ITGA6: variants seen among roughly 807,000 people sequenced by gnomAD.
ITGA6 encodes the protein integrin alpha-6.
Under a neutral mutation model 133.6 loss-of-function variants are expected in ITGA6, and 63 were observed. That is an observed-to-expected ratio of 0.47 (90% CI 0.38 to 0.58). The LOEUF (loss-of-function observed/expected upper bound fraction) is 0.58. ITGA6 is among the 20% of genes least tolerant of loss of function. ITGA6 has a pLI of 0.00. For missense variants in ITGA6, 1,068 were observed against 1,309.4 expected (o/e 0.82, Z 2.85); for synonymous variants, 434 against 482.0 (o/e 0.90, Z 1.30).
At chr2:172,502,201 T>C (rs1011561415) in intron 25 of ITGA6, among the ~76,000 whole-genome samples, 8 of 152,200 alleles carry the variant, frequency 5.3e-5, no homozygotes, top group Admixed American at 6.5e-5. Flanking sequence ...TAGCCCTCCA[T>C]AGTAGCCCAG....
At chr2:172,471,362 C>G (rs1340962549) in intron 5 of ITGA6, among the ~76,000 whole-genome samples, 1 of 152,202 alleles carries the variant, frequency 6.6e-6, no homozygotes, top group East Asian at 1.9e-4. Flanking sequence ...CGTCCTCCCT[C>G]CTGCTCAGAA....
intron 15 of ITGA6, 45 bp from the exon 16 acceptor site, chr2:172,487,502 G>A: frequency 1.9e-6 from 3 of 1,610,926 alleles, no homozygotes; most frequent in Non-Finnish European, 2.5e-6. Flanking sequence ...TCAACACTGT[G>A]TGGCAAATGA....
At chr2:172,429,930 G>GC (rs1684039456) in intron 1 of ITGA6, among the ~76,000 whole-genome samples, 1 of 152,198 alleles carries the variant, frequency 6.6e-6, no homozygotes. Flanking sequence ...ACAGGCCATA[G>GC]CACAGGTCAG....
At chr2:172,452,728 C>T (rs1284097760) in intron 1 of ITGA6, among the ~76,000 whole-genome samples, 2 of 152,220 alleles carry the variant, frequency 1.3e-5, no homozygotes, top group African/African-American at 4.8e-5. Flanking sequence ...TAAGTGTTCT[C>T]TCAAAACCCA....
intron 1 of ITGA6, among the ~76,000 whole-genome samples, chr2:172,457,862 T>C (rs1380551187): frequency 6.6e-6 from 1 of 152,182 alleles, no homozygotes; most frequent in Admixed American, 6.5e-5. Flanking sequence ...TCCTGGCTCC[T>C]CAAGGCTCCC....
intron 23 of ITGA6, among the ~76,000 whole-genome samples, chr2:172,493,823 C>G (rs1469777905): frequency 6.6e-6 from 1 of 152,210 alleles, no homozygotes; most frequent in Non-Finnish European, 1.5e-5. Flanking sequence ...CTGTCTTCTT[C>G]TGGAAGATGA....
intron 9 of ITGA6, 24 bp from the exon 10 acceptor site, chr2:172,479,617 G>GT (rs1428130222): frequency 1.3e-6 from 2 of 1,595,286 alleles, no homozygotes; most frequent in Admixed American, 3.3e-5. Context: ...GGCTGAGCTT[G>GT]TTTTTCACTC....
chr2:172,497,059 G>A (rs1294313735), intron 23 of ITGA6, among the ~76,000 whole-genome samples: 1 of 152,186 alleles, frequency 6.6e-6, no homozygotes, highest in Non-Finnish European at 1.5e-5. Flanking sequence ...GGTCTTTAGT[G>A]TGATATCCTA....
intron 5 of ITGA6, among the ~76,000 whole-genome samples, chr2:172,471,880 A>G (rs1685953453): frequency 6.7e-6 from 1 of 149,648 alleles, no homozygotes; most frequent in Non-Finnish European, 1.5e-5. Flanking sequence ...GTCTAAACCC[A>G]AATAGTAACC....
Position 172,482,355 on chromosome 2 carries a change from A to G in ITGA6, c.1549+2304A>G, listed in dbSNP as rs1466165538. 2.0e-5 allele frequency among the ~76,000 whole-genome samples: 3 copies of G among 152,208 alleles called. 1 individual carries two copies. In the East Asian group the frequency reaches 5.8e-4, roughly 29 times the overall value. On this transcript the variant is annotated intron_variant, in intron 11 of 25. Coordinates refer to ENST00000684293, the MANE Select transcript of ITGA6 (RefSeq NM_000210.4). ...AGCTACATAAGTTAATACATCTAAA[A>G]TCTTCTCCCAGTAGCCAAGAATGTG...
chr2:172,446,372 T>A (rs1349694842), intron 1 of ITGA6, among the ~76,000 whole-genome samples: 3 of 152,226 alleles, frequency 2.0e-5, no homozygotes, highest in Non-Finnish European at 4.4e-5. Flanking sequence ...TGAATCTTAT[T>A]TTTTGAGTTA....
In ITGA6 at chr2:172,484,796, C is replaced by T. The variant is rs752671885; in HGVS notation, c.1564C>T (p.Leu522Phe). The T allele has an allele frequency of 1.2e-6, 2 of 1,614,008 alleles. No homozygotes were observed. Among genetic ancestry groups the T allele is most frequent in the Non-Finnish European group, 8.5e-7 (1 of 1,179,908 alleles). Reference protein sequence around the residue: ...YNPSISIVGTLEAEKERRKSG... With the variant: ...YNPSISIVGTFEAEKERRKSG... ...ATTTTATCTAGCAATTGTGGGCACACTTGAAGCTGAAAAAGAAAGAAGAAA... is the reference window on the plus strand; with the variant it reads ...ATTTTATCTAGCAATTGTGGGCACATTTGAAGCTGAAAAAGAAAGAAGAAA... Residue 522 changes from leucine to phenylalanine, a missense_variant, in exon 12 of 26, where the codon CTT (leucine) becomes TTT (phenylalanine). Coordinates refer to ENST00000684293, the MANE Select transcript of ITGA6 (RefSeq NM_000210.4).
chr2:172,490,506 C>T (rs779375386), intron 20 of ITGA6, among the ~76,000 whole-genome samples: 97 of 152,310 alleles, frequency 6.4e-4, no homozygotes, highest in Non-Finnish European at 8.5e-4. Context: ...TCAAGATAAT[C>T]GGTTATTACT....
intron 25 of ITGA6, among the ~76,000 whole-genome samples, chr2:172,502,143 C>T (rs538715472): frequency 1.1e-4 from 16 of 152,216 alleles, no homozygotes; most frequent in African/African-American, 3.9e-4. Flanking sequence ...ATATCTACCA[C>T]AGCAATGAAG....
At position 172,487,167 on chromosome 2, in the gene ITGA6, A is replaced by G. The variant is rs748703689; in HGVS notation, c.1970+29A>G. On this transcript the variant is annotated intron_variant, in intron 14 of 25. Transcript: ENST00000684293. ...AGAATCGTTGTGTAGCACTAGCAAA[A>G]ATGATTCTGGCTTCATGGTGGCTTT... 11 of 1,531,480 alleles carry G rather than the reference A, an allele frequency of 7.2e-6. No individual in the cohort carries two copies. The East Asian group carries it at 2.5e-4, about 34-fold the overall frequency. The allele number at this position is 1,531,480 out of a possible 1,614,324, so 94.9% of individuals were successfully genotyped here.
intron 1 of ITGA6, among the ~76,000 whole-genome samples, chr2:172,450,258 G>A (rs1169856801): frequency 6.6e-6 from 1 of 152,222 alleles, no homozygotes; most frequent in Non-Finnish European, 1.5e-5. Context: ...GATATGACCT[G>A]AGATGTGCAA....
rs776391502 is a variant in ITGA6 at position 172,472,728 on chromosome 2, A to G, written c.776-1327A>G. 21 of 1,239,448 alleles carry G rather than the reference A, an allele frequency of 1.7e-5. No individual in the cohort carries two copies. The South Asian group carries it at 2.4e-4, about 14-fold the overall frequency. The allele number at this position is 1,239,448 out of a possible 1,614,324, so 76.8% of individuals were successfully genotyped here. A position where few individuals can be genotyped will look rare whatever the true frequency, so the allele number is the denominator to read the frequency against. On this transcript the variant is annotated intron_variant, in intron 5 of 25. Transcript: ENST00000684293. Reference sequence around the variant, plus strand: ...GTGGCTGTCCTGCCTCTTACCAAGCATAATTACTTTTTCTTCAATTTCTTC... The same window carrying G: ...GTGGCTGTCCTGCCTCTTACCAAGCGTAATTACTTTTTCTTCAATTTCTTC...
intron 1 of ITGA6, among the ~76,000 whole-genome samples, chr2:172,442,403 GGA>G (rs1684582427): frequency 6.6e-6 from 1 of 152,184 alleles, no homozygotes; most frequent in African/African-American, 2.4e-5. Context: ...CCCCTAGAAA[GGA>G]CAGATTCAGT....
intron 5 of ITGA6, chr2:172,472,741 C>T (rs1237962126): frequency 7.2e-7 from 1 of 1,390,136 alleles, no homozygotes; most frequent in East Asian, 2.3e-5. Context: ...ATTACTTTTT[C>T]TTCAATTTCT....
Sources: gnomAD v4.1 joint callset for allele counts (sites outside exome capture counted in the v4.1 genomes callset) on GRCh38, gnomAD v4.1.1 for gene constraint, MANE v1.5 for transcripts, NCBI Gene and HGNC (gene_info 2026-07-23, HGNC 2026-07-21) for gene names.